Variants in C2CD4A observed in about 807,000 individuals in gnomAD.
C2CD4A encodes the protein C2 calcium-dependent domain-containing protein 4A.
Under a neutral mutation model 0.4 loss-of-function variants are expected in C2CD4A, and 2 were observed. The ratio of observed to expected loss-of-function variants is 4.45; its 90% CI spans 1.82 to 13.99. The LOEUF (loss-of-function observed/expected upper bound fraction) is 13.99, where lower values mean the gene tolerates loss of function less well. C2CD4A is among the 30% of genes most tolerant of loss of function. C2CD4A has a pLI of 0.04. For synonymous variants in C2CD4A, 297 were observed against 280.8 expected (o/e 1.06, Z -0.58); for missense variants, 610 against 574.2 (o/e 1.06, Z -0.64).
rs754350557 is a variant in C2CD4A at position 62,067,700 on chromosome 15, C to G, written c.87C>G (p.Ala29=). Residue 29 remains alanine (A), a synonymous_variant, in exon 2 of 2, where the codon GCC becomes GCG. Coordinates refer to ENST00000355522, the MANE Select transcript of C2CD4A (RefSeq NM_207322.3). ...TTCTCCCGGGTCGGGCCCGCGGAGCCAAGTCTCGCACCACCGCCGCGTGCG... is the reference window on the plus strand; with the variant it reads ...TTCTCCCGGGTCGGGCCCGCGGAGCGAAGTCTCGCACCACCGCCGCGTGCG... ...DWLLPGRARG[A]KSRTTAACAN... is the part of the protein sequence containing the mutation. The G allele has an allele frequency of 6.2e-7, 1 of 1,609,604 alleles. No homozygotes were observed. The highest frequency in any genetic ancestry group is 8.5e-7 in the Non-Finnish European group (1 of 1,179,884).
Position 62,070,723 on chromosome 15 carries a change from T to C in C2CD4A, c.*2000T>C, listed in dbSNP as rs2049078031. 1 of 391,054 alleles carries C rather than the reference T, an allele frequency of 2.6e-6. No individual in the cohort carries two copies. The highest frequency in any genetic ancestry group is 1.5e-4 in the South Asian group (1 of 6,776). The allele number at this position is 391,054 out of a possible 1,614,324, so 24.2% of individuals were successfully genotyped here. Reference sequence around the variant, plus strand: ...CAGGAGCTTGCAGTTGTTGACCAAATGAATGATGACATAGAGTAGTTCAGA... The same window carrying C: ...CAGGAGCTTGCAGTTGTTGACCAAACGAATGATGACATAGAGTAGTTCAGA... On this transcript the variant is annotated 3_prime_UTR_variant, in exon 2 of 2. Coordinates refer to ENST00000355522, the MANE Select transcript of C2CD4A (RefSeq NM_207322.3).
In C2CD4A at chr15:62,067,766, C is replaced by G; in HGVS notation, c.153C>G (p.Ile51Met). Reference sequence around the variant, plus strand: ...CGGACCGCATCCCTGAGTTCTGCATCCCGCCACGGCTCATGCCCCGCCTGG... The same window carrying G: ...CGGACCGCATCCCTGAGTTCTGCATGCCGCCACGGCTCATGCCCCGCCTGG... ...LTPDRIPEFC[I>M]PPRLMPRLAL... is the part of the protein sequence containing the mutation. Residue 51 changes from isoleucine to methionine, a missense_variant, in exon 2 of 2, where the codon ATC becomes ATG. Ile to Met is a conservative substitution (Grantham distance 10). Transcript: ENST00000355522. 2.5e-6 allele frequency: 4 copies of G among 1,613,114 alleles called. No homozygotes were observed. The highest frequency in any genetic ancestry group is 3.4e-6 in the Non-Finnish European group (4 of 1,179,946).
chr15:62,067,711 C>G lies in C2CD4A; in HGVS notation c.98C>G (p.Thr33Ser). The G allele has an allele frequency of 6.2e-7, 1 of 1,610,536 alleles. No individual in the cohort carries two copies. Among genetic ancestry groups the G allele is most frequent in the African/African-American group, 1.3e-5 (1 of 75,044 alleles). ...PGRARGAKSR[T>S]TAACANVLTP... ...CGGGCCCGCGGAGCCAAGTCTCGCA[C>G]CACCGCCGCGTGCGCAAATGTGCTC... Residue 33 changes from threonine (T) to serine (S), a missense_variant, in exon 2 of 2, where the codon ACC (threonine) becomes AGC (serine). By Grantham distance (58) the Thr-to-Ser change is moderately conservative (BLOSUM62 1). Transcript: ENST00000355522.
At position 62,067,755 on chromosome 15, in the gene C2CD4A, G is replaced by C. The variant is rs774050841; in HGVS notation, c.142G>C (p.Glu48Gln). Residue 48 changes from glutamate (E) to glutamine (Q), a missense_variant, in exon 2 of 2, where the codon GAG becomes CAG. By Grantham distance (29) the Glu-to-Gln change is conservative. Transcript: ENST00000355522. ...ANVLTPDRIP[E>Q]FCIPPRLMPR... ...TGTGCTCACTCCGGACCGCATCCCT[G>C]AGTTCTGCATCCCGCCACGGCTCAT... 3 of 1,613,030 alleles carry C rather than the reference G, an allele frequency of 1.9e-6. No individual in the cohort carries two copies.
Position 62,068,089 on chromosome 15 carries a change from C to G in C2CD4A, c.476C>G (p.Pro159Arg). 1 of 1,130,534 alleles carries G rather than the reference C, an allele frequency of 8.8e-7. No homozygotes were observed. The highest frequency in any genetic ancestry group is 1.1e-6 in the Non-Finnish European group (1 of 925,734). The allele number at this position is 1,130,534 out of a possible 1,614,324, so 70.0% of individuals were successfully genotyped here. The change falls in exon 2 of 2, where the codon CCC becomes CGC. Residue 159 changes from proline to arginine, a missense_variant. Physicochemically the swap from Pro to Arg is moderately radical, Grantham distance 103. Coordinates refer to ENST00000355522, the MANE Select transcript of C2CD4A (RefSeq NM_207322.3). ...RVPRAPGPAT[P>R]AAPGCPRPPQ... ...CCGCGAGCTCCGGGCCCGGCGACCCCCGCGGCCCCCGGCTGTCCCCGCCCG... is the reference window on the plus strand; with the variant it reads ...CCGCGAGCTCCGGGCCCGGCGACCCGCGCGGCCCCCGGCTGTCCCCGCCCG...
chr15:62,067,610 C>A lies in C2CD4A; in HGVS notation c.-4C>A. On this transcript the variant is annotated 5_prime_UTR_variant, in exon 2 of 2. Transcript: ENST00000355522. ...GTAGACAAGCTCCAGCAGAGAGTGG[C>A]CAGATGTGGTGCCTGGAGCGACTCC... 6.3e-7 allele frequency: 1 copy of A among 1,582,226 alleles called. No individual in the cohort carries two copies. The highest frequency in any genetic ancestry group is 1.1e-5 in the South Asian group (1 of 87,746).
At position 62,070,801 on chromosome 15, in the gene C2CD4A, C is replaced by G. The variant is rs2049078868; in HGVS notation, c.*2078C>G. 3.2e-6 allele frequency: 1 copy of G among 313,186 alleles called. No individual in the cohort carries two copies. The highest frequency in any genetic ancestry group is 2.1e-5 in the African/African-American group (1 of 46,708). 19.4% of individuals were successfully genotyped at this position (313,186 alleles called of 1,614,324 possible). A position where few individuals can be genotyped will look rare whatever the true frequency, so the allele number is the denominator to read the frequency against. On this transcript the variant is annotated 3_prime_UTR_variant, in exon 2 of 2. Transcript: ENST00000355522. ...GTCAATATTTCCTTGGCCCTCAAGC[C>G]AACATTCATTTTTTATGTATAACCT...
At position 62,068,293 on chromosome 15, in the gene C2CD4A, C is replaced by T. The variant is rs1402911156; in HGVS notation, c.680C>T (p.Pro227Leu). The change falls in exon 2 of 2, where the codon CCC (proline) becomes CTC (leucine). Residue 227 changes from proline to leucine, a missense_variant. Physicochemically the swap from Pro to Leu is moderately conservative, Grantham distance 98. Transcript: ENST00000355522. The stretch of plus-strand genomic sequence containing the variant: ...GGCTCCCAGTCCCCGGCCCGGGCCC[C>T]CTCCACGAGCCCGCCGTCGTCCCGG... ...RAGSQSPARA[P>L]STSPPSSRVP... The T allele has an allele frequency of 5.7e-6, 8 of 1,412,982 alleles. No individual in the cohort carries two copies. In the African/African-American group the frequency reaches 8.9e-5, roughly 16 times the overall value. 87.5% of individuals were successfully genotyped at this position (1,412,982 alleles called of 1,614,324 possible).
chr15:62,068,020 G>GCGA lies in C2CD4A; in HGVS notation c.409_410insACG (p.Gly136_Gly137insAsp), dbSNP rs1223058844. The GCGA allele has an allele frequency of 3.1e-6, 4 of 1,276,766 alleles. No homozygotes were observed. Among genetic ancestry groups the GCGA allele is most frequent in the Non-Finnish European group, 3.9e-6 (4 of 1,019,756 alleles). 79.1% of individuals were successfully genotyped at this position (1,276,766 alleles called of 1,614,324 possible). A position where few individuals can be genotyped will look rare whatever the true frequency, so the allele number is the denominator to read the frequency against. ...CCCCGGCCCCGGGCCCACACCTACG[G>GCGA]CGGCGGCGGCGGCCCGGACGCCCTC... On this transcript the variant is annotated inframe_insertion, in exon 2 of 2. Coordinates refer to ENST00000355522, the MANE Select transcript of C2CD4A (RefSeq NM_207322.3).
intron 1 of C2CD4A, 76 bp downstream of exon 1, chr15:62,067,164 A>T (rs2049050399): frequency 6.4e-6 from 1 of 156,922 alleles, no homozygotes; most frequent in South Asian, 2.0e-4. Context: ...CTGCAAGGGG[A>T]GAACCAGCCA....
At position 62,068,077 on chromosome 15, in the gene C2CD4A, G is replaced by A; in HGVS notation, c.464G>A (p.Gly155Asp). The A allele has an allele frequency of 8.8e-7, 1 of 1,139,018 alleles. No individual in the cohort carries two copies. Among genetic ancestry groups the A allele is most frequent in the Non-Finnish European group, 1.1e-6 (1 of 931,114 alleles). 70.6% of individuals were successfully genotyped at this position (1,139,018 alleles called of 1,614,324 possible). A position where few individuals can be genotyped will look rare whatever the true frequency, so the allele number is the denominator to read the frequency against. Residue 155 changes from glycine (G) to aspartate (D), a missense_variant, in exon 2 of 2, where the codon GGC (glycine) becomes GAC (aspartate). By Grantham distance (94) the Gly-to-Asp change is moderately conservative. Coordinates refer to ENST00000355522, the MANE Select transcript of C2CD4A (RefSeq NM_207322.3). The part of the protein sequence containing the change: ...LGTLRVPRAP[G>D]PATPAAPGCP... ...ACCCTGCGCGTCCCGCGAGCTCCGGGCCCGGCGACCCCCGCGGCCCCCGGC... is the reference window on the plus strand; with the variant it reads ...ACCCTGCGCGTCCCGCGAGCTCCGGACCCGGCGACCCCCGCGGCCCCCGGC...
In C2CD4A at chr15:62,070,579, A is replaced by G. The variant is rs2049076884; in HGVS notation, c.*1856A>G. On this transcript the variant is annotated 3_prime_UTR_variant, in exon 2 of 2. Transcript: ENST00000355522. ...ATATTATACAAAATTCGAAGAAAAAAGAAAAGAGTTTCTGTTTCAGTCACA... is the reference window on the plus strand; with the variant it reads ...ATATTATACAAAATTCGAAGAAAAAGGAAAAGAGTTTCTGTTTCAGTCACA... 1 of 413,344 alleles carries G rather than the reference A, an allele frequency of 2.4e-6. No individual in the cohort carries two copies. The highest frequency in any genetic ancestry group is 4.4e-6 in the Non-Finnish European group (1 of 226,118). The allele number at this position is 413,344 out of a possible 1,614,324, so 25.6% of individuals were successfully genotyped here. A position where few individuals can be genotyped will look rare whatever the true frequency, so the allele number is the denominator to read the frequency against.
Position 62,070,611 on chromosome 15 carries a change from G to T in C2CD4A, c.*1888G>T. The T allele has an allele frequency of 2.4e-6, 1 of 413,034 alleles. No homozygotes were observed. The highest frequency in any genetic ancestry group is 1.3e-4 in the South Asian group (1 of 7,822). The allele number at this position is 413,034 out of a possible 1,614,324, so 25.6% of individuals were successfully genotyped here. A position where few individuals can be genotyped will look rare whatever the true frequency, so the allele number is the denominator to read the frequency against. On this transcript the variant is annotated 3_prime_UTR_variant, in exon 2 of 2. Transcript: ENST00000355522. ...AGTTTCTGTTTCAGTCACAAATTAG[G>T]GTTATTGTGATGTGTATTTATGATG...
In C2CD4A at chr15:62,067,656, C is replaced by T; in HGVS notation, c.43C>T (p.Arg15Trp). 2.5e-6 allele frequency: 4 copies of T among 1,605,574 alleles called. No homozygotes were observed. The highest frequency in any genetic ancestry group is 3.4e-6 in the Non-Finnish European group (4 of 1,179,284). ...ACTCCGCTTGGGTCCTGAGTGCCTTCGGCGGAGCGGAGACTGGCTTCTCCC... is the reference window on the plus strand; with the variant it reads ...ACTCCGCTTGGGTCCTGAGTGCCTTTGGCGGAGCGGAGACTGGCTTCTCCC... The part of the protein sequence containing the change: ...ERLRLGPECL[R>W]RSGDWLLPGR... The change falls in exon 2 of 2, where the codon CGG (arginine) becomes TGG (tryptophan). Residue 15 changes from arginine (R) to tryptophan (W), a missense_variant. Physicochemically the swap from Arg to Trp is moderately radical, Grantham distance 101. Coordinates refer to ENST00000355522, the MANE Select transcript of C2CD4A (RefSeq NM_207322.3).
At position 62,069,419 on chromosome 15, in the gene C2CD4A, T is replaced by TA. The variant is rs11376357; in HGVS notation, c.*702dup. The TA allele has an allele frequency of 0.012, 1,976 of 161,146 alleles. 52 individuals are homozygous for TA. Among genetic ancestry groups the TA allele is most frequent in the East Asian group, 0.098 (505 of 5,172 alleles). 10.0% of individuals were successfully genotyped at this position (161,146 alleles called of 1,614,324 possible). ...GCAACATGGGAAGACCGCGTCTCCA[T>TA]AAAAAATACAAAATTTAGCCGGACG... On this transcript the variant is annotated 3_prime_UTR_variant, in exon 2 of 2. Coordinates refer to ENST00000355522, the MANE Select transcript of C2CD4A (RefSeq NM_207322.3).
At position 62,070,262 on chromosome 15, in the gene C2CD4A, C is replaced by G. The variant is rs1489774081; in HGVS notation, c.*1539C>G. Reference sequence around the variant, plus strand: ...ATACAGGATGGTGTTAAATATGACTCCATTATCAATCTGGATTCAGAAATG... The same window carrying G: ...ATACAGGATGGTGTTAAATATGACTGCATTATCAATCTGGATTCAGAAATG... On this transcript the variant is annotated 3_prime_UTR_variant, in exon 2 of 2. Coordinates refer to ENST00000355522, the MANE Select transcript of C2CD4A (RefSeq NM_207322.3). The G allele has an allele frequency of 9.7e-6, 4 of 412,862 alleles. No individual in the cohort carries two copies. Among genetic ancestry groups the G allele is most frequent in the Non-Finnish European group, 1.8e-5 (4 of 226,122 alleles). 25.6% of individuals were successfully genotyped at this position (412,862 alleles called of 1,614,324 possible). A position where few individuals can be genotyped will look rare whatever the true frequency, so the allele number is the denominator to read the frequency against.
In C2CD4A at chr15:62,067,679, C is replaced by G; in HGVS notation, c.66C>G (p.Leu22=). 6.2e-7 allele frequency: 1 copy of G among 1,607,856 alleles called. No individual in the cohort carries two copies. Among genetic ancestry groups the G allele is most frequent in the Non-Finnish European group, 8.5e-7 (1 of 1,179,778 alleles). The stretch of plus-strand genomic sequence containing the variant: ...TTCGGCGGAGCGGAGACTGGCTTCT[C>G]CCGGGTCGGGCCCGCGGAGCCAAGT... ...ECLRRSGDWL[L]PGRARGAKSR... Residue 22 remains leucine, a synonymous_variant, in exon 2 of 2, where the codon CTC becomes CTG. Coordinates refer to ENST00000355522, the MANE Select transcript of C2CD4A (RefSeq NM_207322.3).
chr15:62,070,731 G>C lies in C2CD4A; in HGVS notation c.*2008G>C. ...TGCAGTTGTTGACCAAATGAATGAT[G>C]ACATAGAGTAGTTCAGATCTATCAT... On this transcript the variant is annotated 3_prime_UTR_variant, in exon 2 of 2. Transcript: ENST00000355522. 1 of 386,120 alleles carries C rather than the reference G, an allele frequency of 2.6e-6. No homozygotes were observed. The highest frequency in any genetic ancestry group is 4.8e-6 in the Non-Finnish European group (1 of 210,470). 23.9% of individuals were successfully genotyped at this position (386,120 alleles called of 1,614,324 possible). A position where few individuals can be genotyped will look rare whatever the true frequency, so the allele number is the denominator to read the frequency against.
rs1195827673 is a variant in C2CD4A at position 62,067,877 on chromosome 15, G to A, written c.264G>A (p.Gln88=). The change falls in exon 2 of 2, where the codon CAG becomes CAA. Residue 88 remains glutamine, a synonymous_variant. Transcript: ENST00000355522. ...AGRTDWDPRS[Q]AALSLPHLPR... ...GCACAGACTGGGACCCGCGCTCGCA[G>A]GCCGCGCTGTCACTGCCGCACCTGC... 1 of 1,605,298 alleles carries A rather than the reference G, an allele frequency of 6.2e-7. No individual in the cohort carries two copies. Among genetic ancestry groups the A allele is most frequent in the Non-Finnish European group, 8.5e-7 (1 of 1,178,726 alleles).
Sources: gnomAD v4.1 joint callset for allele counts on GRCh38, gnomAD v4.1.1 for gene constraint, MANE v1.5 for transcripts, NCBI Gene and HGNC (gene_info 2026-07-23, HGNC 2026-07-21) for gene names.